The following CYREN variants were observed in gnomAD, a reference collection of about 807,000 sequenced individuals.
The protein encoded by CYREN is cell cycle regulator of non-homologous end joining.
A neutral mutation model predicts 9.7 loss-of-function variants in CYREN; 7 were observed. The observed-to-expected ratio is 0.72, with a 90% CI of 0.41 to 1.36. CYREN has a LOEUF of 1.36. Among genes scored for constraint, CYREN ranks in the 40% most tolerant of loss-of-function variants. The pLI is 0.01. For synonymous variants in CYREN, 76 were observed against 77.9 expected, an observed-to-expected ratio of 0.98 and a Z score of 0.13; for missense variants, 215 against 198.1, an observed-to-expected ratio of 1.09 and a Z score of -0.51.
intron 2 of CYREN, among the ~76,000 whole-genome samples, chr7:135,103,347 T>C (rs1449987209): frequency 6.6e-6 from 1 of 152,226 alleles, no homozygotes; most frequent in Non-Finnish European, 1.5e-5. Context: ...TTCGGGAATA[T>C]AGAAAATGTT....
At chr7:135,147,705 GAGT>G in intron 2 of CYREN, 1 of 451,144 alleles carries the variant, frequency 2.2e-6, no homozygotes, top group Non-Finnish European at 4.5e-6. Flanking sequence ...CCAAGGAAAT[GAGT>G]AGGAGGTGAC....
chr7:135,139,923 A>C (rs1305953282), intron 2 of CYREN, among the ~76,000 whole-genome samples: 1 of 150,922 alleles, frequency 6.6e-6, no homozygotes, highest in Non-Finnish European at 1.5e-5. Context: ...CTGTTTCATT[A>C]GTCTGTTTTT....
intron 2 of CYREN, among the ~76,000 whole-genome samples, chr7:135,124,653 A>C (rs1450256214): frequency 2.0e-5 from 3 of 152,202 alleles, no homozygotes; most frequent in Non-Finnish European, 4.4e-5. Context: ...TGGAAGTAAA[A>C]CAGTCCTCAA....
At chr7:135,095,626 C>T (rs1260567689) in intron 2 of CYREN, among the ~76,000 whole-genome samples, 3 of 152,188 alleles carry the variant, frequency 2.0e-5, no homozygotes, top group Non-Finnish European at 1.5e-5. Flanking sequence ...GTTATCTTTG[C>T]TTTCAGTTCC....
intron 2 of CYREN, among the ~76,000 whole-genome samples, chr7:135,127,244 C>A (rs973318071): frequency 2.0e-5 from 3 of 152,176 alleles, no homozygotes; most frequent in Non-Finnish European, 2.9e-5. Flanking sequence ...GACATTCATG[C>A]AGCCAACAAG....
intron 2 of CYREN, chr7:135,115,501 T>C (rs1433977000): frequency 2.5e-5 from 39 of 1,551,162 alleles, no homozygotes; most frequent in Non-Finnish European, 3.2e-5. Flanking sequence ...TAGTTCAAAC[T>C]CAAGAAATAT....
intron 2 of CYREN, chr7:135,152,682 G>A (rs1460014306): frequency 6.6e-6 from 1 of 152,160 alleles, no homozygotes; most frequent in Non-Finnish European, 1.5e-5. Flanking sequence ...ACTGATCAAA[G>A]AGTCTCATCA....
chr7:135,098,419 G>A (rs1251150757), intron 2 of CYREN, among the ~76,000 whole-genome samples: 1 of 152,124 alleles, frequency 6.6e-6, no homozygotes, highest in Non-Finnish European at 1.5e-5. Flanking sequence ...TATTGTTTAG[G>A]GAATGATGAC....
At chr7:135,148,539 G>C (rs184962235) in intron 2 of CYREN, among the ~76,000 whole-genome samples, 17 of 152,198 alleles carry the variant, frequency 1.1e-4, no homozygotes, top group African/African-American at 4.1e-4. Flanking sequence ...AGTATAACTG[G>C]TTAGAAACGA....
downstream of CYREN, chr7:135,164,659 TG>T: frequency 6.2e-7 from 1 of 1,613,418 alleles, no homozygotes; most frequent in Non-Finnish European, 8.5e-7. Context: ...CTGGAAGCCC[TG>T]GGGGTGCCTC....
chr7:135,111,189 TC>T (rs2117138456), intron 2 of CYREN, among the ~76,000 whole-genome samples: 1 of 113,616 alleles, frequency 8.8e-6, no homozygotes, highest in Non-Finnish European at 2.0e-5. Context: ...GAAATAAATA[TC>T]CCTCTGTTTA....
At chr7:135,109,209 C>A (rs1433768408) in intron 2 of CYREN, among the ~76,000 whole-genome samples, 1 of 152,310 alleles carries the variant, frequency 6.6e-6, no homozygotes, top group South Asian at 2.1e-4. Flanking sequence ...AGGTTAAGAA[C>A]CCTGGTTGGA....
chr7:135,115,677 T>C, intron 2 of CYREN: 2 of 1,286,820 alleles, frequency 1.6e-6, no homozygotes. Context: ...GCAGGGCTTA[T>C]TAATTTATTA....
chr7:135,167,612 G>A, intron 3 of CYREN, 120 bp downstream of exon 3: 2 of 1,503,174 alleles, frequency 1.3e-6, no homozygotes, highest in South Asian at 1.3e-5. Flanking sequence ...AAGGGAAGTG[G>A]CAGGAGGAAG....
chr7:135,111,948 C>G (rs2117147024), intron 2 of CYREN, among the ~76,000 whole-genome samples: 1 of 152,232 alleles, frequency 6.6e-6, no homozygotes, highest in South Asian at 2.1e-4. Flanking sequence ...TCCGCACAGG[C>G]ACTTCTATTC....
downstream of CYREN, among the ~76,000 whole-genome samples, chr7:135,163,087 A>G (rs1829988219): frequency 6.6e-6 from 1 of 152,222 alleles, no homozygotes. Flanking sequence ...CTTCACTTAT[A>G]ATGGTGAAAA....
At chr7:135,155,051 C>T (rs185728749) in intron 2 of CYREN, among the ~76,000 whole-genome samples, 32 of 152,236 alleles carry the variant, frequency 2.1e-4, no homozygotes, top group Admixed American at 1.6e-3. Flanking sequence ...ACTATTATAT[C>T]GTCTTGCTGA....
chr7:135,158,996 G>A (rs540213658), intron 2 of CYREN, among the ~76,000 whole-genome samples: 1 of 152,356 alleles, frequency 6.6e-6, no homozygotes, highest in Non-Finnish European at 1.5e-5. Flanking sequence ...CCAGGCCCTG[G>A]CCCAGTGGGT....
intron 2 of CYREN, among the ~76,000 whole-genome samples, chr7:135,094,838 T>C (rs934360064): frequency 5.3e-5 from 8 of 152,172 alleles, no homozygotes; most frequent in Non-Finnish European, 1.2e-4. Context: ...TTTCATTGGT[T>C]TACCAAACAA....
Sources: allele counts gnomAD v4.1 joint callset (sites outside exome capture counted in the v4.1 genomes callset), GRCh38; gene constraint gnomAD v4.1.1; transcripts MANE v1.5; gene names NCBI Gene and HGNC (gene_info 2026-07-23, HGNC 2026-07-21).